Variants in NTSR1 observed in about 807,000 individuals in gnomAD.
NTSR1 encodes the protein neurotensin receptor 1.
In NTSR1, 29 loss-of-function variants were observed where a neutral mutation model predicts 31.2. That is an observed-to-expected ratio of 0.93 (90% CI 0.69 to 1.27). NTSR1 has a LOEUF of 1.27. NTSR1 is among the 50% of genes most tolerant of loss of function. The pLI is 0.00. For missense variants in NTSR1, 697 were observed against 595.4 expected, an observed-to-expected ratio of 1.17 and a Z score of -1.78; for synonymous variants, 282 against 269.9, an observed-to-expected ratio of 1.04 and a Z score of -0.44.
Position 62,709,431 on chromosome 20 carries a change from TGGTGGGCAC to T in NTSR1, c.233_241del (p.Thr78_Gly80del). The T allele has an allele frequency of 5.0e-6, 8 of 1,612,184 alleles. No homozygotes were observed. Among genetic ancestry groups the T allele is most frequent in the Non-Finnish European group, 6.8e-6 (8 of 1,179,432 alleles). On this transcript the variant is annotated inframe_deletion, in exon 1 of 4. Transcript: ENST00000370501. The stretch of plus-strand genomic sequence containing the variant: ...ACCGCCGTGTACCTGGCGCTCTTCG[TGGTGGGCAC>T]GGTGGGCAACACGGTGACGGCGTTC...
intron 1 of NTSR1, among the ~76,000 whole-genome samples, chr20:62,728,202 T>TC (rs1333695572): frequency 6.6e-6 from 1 of 151,734 alleles, no homozygotes; most frequent in Non-Finnish European, 1.5e-5. Context: ...GGTGCACAGG[T>TC]CCCCCCGAGT....
intron 1 of NTSR1, among the ~76,000 whole-genome samples, chr20:62,735,673 G>A (rs76991831): frequency 0.049 from 7,401 of 152,314 alleles, 208 homozygotes; most frequent in African/African-American, 0.062. Flanking sequence ...CCTGGAGGCC[G>A]CTCCCTGGCT....
chr20:62,732,251 C>T lies in NTSR1; in HGVS notation c.714+22330C>T, dbSNP rs1055750540. ...TGAGGATAGGGGGCCTCCCTGCCTC[C>T]TTCCCTATCTTAGGAAGAAAAGCTT... On this transcript the variant is annotated intron_variant, in intron 1 of 3. Transcript: ENST00000370501. This position sits in a 1 kb window ranked among gnomAD's most constrained non-coding sequence, Gnocchi z 4.0. 6.6e-6 allele frequency among the ~76,000 whole-genome samples: 1 copy of T among 152,164 alleles called. No homozygotes were observed. Among genetic ancestry groups the T allele is most frequent in the African/African-American group, 2.4e-5 (1 of 41,430 alleles).
intron 1 of NTSR1, among the ~76,000 whole-genome samples, chr20:62,712,031 G>A (rs1000875427): frequency 6.6e-6 from 1 of 152,240 alleles, no homozygotes; most frequent in African/African-American, 2.4e-5. Flanking sequence ...GTGCCTGGGA[G>A]CAGCTGATTA....
In NTSR1 at chr20:62,709,544, C is replaced by A; in HGVS notation, c.337C>A (p.Leu113Met). 1 of 1,612,156 alleles carries A rather than the reference C, an allele frequency of 6.2e-7. No individual in the cohort carries two copies. The highest frequency in any genetic ancestry group is 8.5e-7 in the Non-Finnish European group (1 of 1,179,860). Reference sequence around the variant, plus strand: ...CCTGGGCAGCCTGGCGCTGTCCGACCTGCTCACCCTGCTGCTGGCCATGCC... The same window carrying A: ...CCTGGGCAGCCTGGCGCTGTCCGACATGCTCACCCTGCTGCTGGCCATGCC... ...YHLGSLALSDLLTLLLAMPVE... is the reference protein window; with the variant it reads ...YHLGSLALSDMLTLLLAMPVE... Residue 113 changes from leucine (L) to methionine (M), a missense_variant, in exon 1 of 4, where the codon CTG becomes ATG. By Grantham distance (15) the Leu-to-Met change is conservative. Transcript: ENST00000370501.
intron 1 of NTSR1, among the ~76,000 whole-genome samples, chr20:62,753,438 G>GC (rs1989427404): frequency 6.6e-6 from 1 of 152,206 alleles, no homozygotes; most frequent in African/African-American, 2.4e-5. Flanking sequence ...GGCCCCTGCA[G>GC]CCCAGCCCAG....
At chr20:62,724,868 G>A (rs1988879200) in intron 1 of NTSR1, among the ~76,000 whole-genome samples, 1 of 152,182 alleles carries the variant, frequency 6.6e-6, no homozygotes, top group African/African-American at 2.4e-5. Context: ...CTCTGCTTCT[G>A]TCTCCACGTG....
rs751564895 is a variant in NTSR1, at chr20:62,754,885, A to G, written c.915A>G (p.Leu305=). The G allele has an allele frequency of 5.6e-6, 9 of 1,594,634 alleles. No individual in the cohort carries two copies. In the East Asian group the frequency reaches 1.8e-4, roughly 32 times the overall value. ...CCCTGCGGCACGGCGTGCGCGTCCT[A>G]CGTACGTAACCTCTGGGCCCTCCAG... ...VQALRHGVRV[L]RAVVIAFVVC... is the part of the protein sequence containing the mutation. The change falls in exon 2 of 4, where the codon CTA becomes CTG. Residue 305 remains leucine (L), a splice_region_variant and synonymous_variant. Transcript: ENST00000370501.
intron 1 of NTSR1, among the ~76,000 whole-genome samples, chr20:62,735,786 G>C (rs900736485): frequency 1.3e-5 from 2 of 152,182 alleles, no homozygotes; most frequent in African/African-American, 4.8e-5. Flanking sequence ...TGCGACCGGG[G>C]ACCAGGGACA....
In NTSR1 at chr20:62,744,211, G is replaced by C. The variant is rs1388448710; in HGVS notation, c.715-10474G>C. On this transcript the variant is annotated intron_variant, in intron 1 of 3. Coordinates refer to ENST00000370501, the MANE Select transcript of NTSR1 (RefSeq NM_002531.3). This position sits in a 1 kb window ranked among gnomAD's most constrained non-coding sequence, Gnocchi z 4.1. ...CCTTTCCCACACCCAAGGGAGCACA[G>C]TCAGTGCTCCAGGAACTGAGGCAGC... 1.3e-5 allele frequency among the ~76,000 whole-genome samples: 2 copies of C among 152,194 alleles called. No homozygotes were observed. Among genetic ancestry groups the C allele is most frequent in the Non-Finnish European group, 2.9e-5 (2 of 68,030 alleles).
rs1989624419 is a variant in NTSR1 at position 62,761,621 on chromosome 20, A to G, written c.*1354A>G. 6.6e-6 allele frequency: 1 copy of G among 152,240 alleles called. No homozygotes were observed. The highest frequency in any genetic ancestry group is 2.4e-5 in the African/African-American group (1 of 41,460). 9.4% of individuals were successfully genotyped at this position (152,240 alleles called of 1,614,324 possible). ...TTTCTTCAAGGGATTTCCCTGTCTCAGAGCAGCCTTTGCCCCAGGGAAATG... is the reference window on the plus strand; with the variant it reads ...TTTCTTCAAGGGATTTCCCTGTCTCGGAGCAGCCTTTGCCCCAGGGAAATG... On this transcript the variant is annotated 3_prime_UTR_variant, in exon 4 of 4. Coordinates refer to ENST00000370501, the MANE Select transcript of NTSR1 (RefSeq NM_002531.3).
Position 62,709,178 on chromosome 20 carries a change from CG to C in NTSR1, c.-28del, listed in dbSNP as rs1269387029. 3 of 1,382,472 alleles carry C rather than the reference CG, an allele frequency of 2.2e-6. No homozygotes were observed. The highest frequency in any genetic ancestry group is 2.8e-6 in the Non-Finnish European group (3 of 1,073,064). The allele number at this position is 1,382,472 out of a possible 1,614,324, so 85.6% of individuals were successfully genotyped here. On this transcript the variant is annotated 5_prime_UTR_variant, in exon 1 of 4. Coordinates refer to ENST00000370501, the MANE Select transcript of NTSR1 (RefSeq NM_002531.3). The stretch of plus-strand genomic sequence containing the variant: ...CCCGGACTTCCAGCCCCGGAGGCGC[CG>C]GACAGAGCCGCGGACTCCAGCGCCC...
Position 62,758,457 on chromosome 20 carries a change from G to A in NTSR1, c.1007+101G>A. ...CTGCTGAGGGGATCCACTCAGGGCA[G>A]GGGTGTGGTGAGTCCCCCGGCGACC... On this transcript the variant is annotated intron_variant, in intron 3 of 3. Transcript: ENST00000370501. The surrounding 1 kb of genome is among the most constrained non-coding windows in gnomAD (Gnocchi z 4.5). The A allele has an allele frequency of 9.1e-7, 1 of 1,096,998 alleles. No individual in the cohort carries two copies. 68.0% of individuals were successfully genotyped at this position (1,096,998 alleles called of 1,614,324 possible). A position where few individuals can be genotyped will look rare whatever the true frequency, so the allele number is the denominator to read the frequency against.
intron 1 of NTSR1, among the ~76,000 whole-genome samples, chr20:62,748,878 C>G (rs550206701): frequency 2.6e-4 from 39 of 152,294 alleles, no homozygotes; most frequent in Middle Eastern, 3.4e-3. Context: ...TGCTCTGCCC[C>G]CTCTGCACGC....
chr20:62,741,614 T>G lies in NTSR1; in HGVS notation c.715-13071T>G, dbSNP rs1989208823. On this transcript the variant is annotated intron_variant, in intron 1 of 3. Transcript: ENST00000370501. This position sits in a 1 kb window ranked among gnomAD's most constrained non-coding sequence, Gnocchi z 4.3. ...CTGAACCCCTGAGGCTCCCTGGGGC[T>G]CTGGCATTCTCTTGAGCCTTTCCCA... 6.7e-6 allele frequency among the ~76,000 whole-genome samples: 1 copy of G among 149,632 alleles called. No individual in the cohort carries two copies. The highest frequency in any genetic ancestry group is 1.5e-5 in the Non-Finnish European group (1 of 68,014).
chr20:62,751,667 T>G (rs1989396346), intron 1 of NTSR1, among the ~76,000 whole-genome samples: 1 of 152,262 alleles, frequency 6.6e-6, no homozygotes, highest in Non-Finnish European at 1.5e-5. Context: ...GATGCAAATG[T>G]TTGGCTGACC....
chr20:62,719,102 C>G (rs35912250), intron 1 of NTSR1, among the ~76,000 whole-genome samples: 98,176 of 149,156 alleles, frequency 0.66, 35,317 homozygotes, highest in East Asian at 0.94. Flanking sequence ...TGCCTTGCTT[C>G]CAGTCCCTTT....
rs1988621113 is a variant in NTSR1, at chr20:62,711,791, C to T, written c.714+1870C>T. ...GGGATTGGGCACCTGGGGGACATCA[C>T]TTTGCCTCCCAAAGCACCACCTGCC... is the stretch of plus-strand genomic sequence containing the variant. On this transcript the variant is annotated intron_variant, in intron 1 of 3. Transcript: ENST00000370501. This position sits in a 1 kb window ranked among gnomAD's most constrained non-coding sequence, Gnocchi z 6.4. Among the ~76,000 whole-genome samples, 1 of 152,220 alleles carries T rather than the reference C, an allele frequency of 6.6e-6. No homozygotes were observed. Among genetic ancestry groups the T allele is most frequent in the Admixed American group, 6.5e-5 (1 of 15,290 alleles).
In NTSR1 at chr20:62,758,475, C is replaced by A; in HGVS notation, c.1007+119C>A. On this transcript the variant is annotated intron_variant, in intron 3 of 3. Coordinates refer to ENST00000370501, the MANE Select transcript of NTSR1 (RefSeq NM_002531.3). The surrounding 1 kb of genome is among the most constrained non-coding windows in gnomAD (Gnocchi z 4.5). ...CAGGGCAGGGGTGTGGTGAGTCCCC[C>A]GGCGACCCCCTGGGCAGGGTTGTGC... The A allele has an allele frequency of 1.1e-6, 1 of 871,108 alleles. No individual in the cohort carries two copies. Among genetic ancestry groups the A allele is most frequent in the Non-Finnish European group, 1.8e-6 (1 of 548,518 alleles). The allele number at this position is 871,108 out of a possible 1,614,324, so 54.0% of individuals were successfully genotyped here. A position where few individuals can be genotyped will look rare whatever the true frequency, so the allele number is the denominator to read the frequency against.
Sources: allele counts gnomAD v4.1 joint callset (sites outside exome capture counted in the v4.1 genomes callset), GRCh38; gene constraint gnomAD v4.1.1; non-coding constraint Gnocchi (gnomAD v3.1); transcripts MANE v1.5; gene names NCBI Gene and HGNC (gene_info 2026-07-23, HGNC 2026-07-21).